The following OTUD7A variants were observed in gnomAD, a reference collection of about 807,000 sequenced individuals.
The protein encoded by OTUD7A is OTU deubiquitinase 7A.
A neutral mutation model predicts 65.7 loss-of-function variants in OTUD7A; 12 were observed. The observed-to-expected ratio is 0.18, with a 90% confidence interval of 0.12 to 0.30. The LOEUF (loss-of-function observed/expected upper bound fraction) is 0.30, where lower values mean the gene tolerates loss of function less well. Ranked by LOEUF, OTUD7A falls within the 10% of genes least tolerant of loss-of-function variation. The probability of loss-of-function intolerance (pLI) is 1.00; values close to 1 mark genes in which losing one functional copy is unlikely to be tolerated. For synonymous variants in OTUD7A, 641 were observed against 586.3 expected (o/e 1.09, Z -1.35); for missense variants, 1,148 against 1,304.8 (o/e 0.88, Z 1.85).
At chr15:31,602,392 CA>C (rs1400894205) in intron 3 of OTUD7A, among the ~76,000 whole-genome samples, 1 of 152,084 alleles carries the variant, frequency 6.6e-6, no homozygotes, top group African/African-American at 2.4e-5. Context: ...AGGCCTTCGA[CA>C]AAATTCAACA....
chr15:31,722,520 C>G (rs1006930205), intron 1 of OTUD7A, among the ~76,000 whole-genome samples: 1 of 152,224 alleles, frequency 6.6e-6, no homozygotes, highest in Admixed American at 6.5e-5. Context: ...TGCACAGCCA[C>G]GTGGCATGGA....
chr15:31,561,578 G>GGT (rs1888690294), intron 4 of OTUD7A, among the ~76,000 whole-genome samples: 1 of 152,100 alleles, frequency 6.6e-6, no homozygotes, highest in Admixed American at 6.5e-5. Context: ...TTGGAAACAC[G>GGT]GTGATTCCTA....
chr15:31,854,439 C>T (rs1385276908), intron 1 of OTUD7A, among the ~76,000 whole-genome samples: 1 of 152,140 alleles, frequency 6.6e-6, no homozygotes, highest in African/African-American at 2.4e-5. Context: ...TTATTCTGCC[C>T]ACCATAAAGA....
chr15:31,592,918 T>A (rs769167326), intron 3 of OTUD7A, among the ~76,000 whole-genome samples: 9,929 of 62,946 alleles, frequency 0.16, 991 homozygotes, highest in East Asian at 0.35. Flanking sequence ...TATATATATA[T>A]ATATATATAT....
chr15:31,685,939 G>T (rs1402555484), intron 1 of OTUD7A, among the ~76,000 whole-genome samples: 1 of 151,610 alleles, frequency 6.6e-6, no homozygotes, highest in African/African-American at 2.4e-5. Flanking sequence ...CAAGCCCCCA[G>T]GGGATTTAAG....
intron 3 of OTUD7A, among the ~76,000 whole-genome samples, chr15:31,632,066 T>A (rs1891180472): frequency 6.6e-6 from 1 of 152,224 alleles, no homozygotes; most frequent in Admixed American, 6.5e-5. Context: ...AGTTTGATCG[T>A]CTGAAGCCTT....
intron 1 of OTUD7A, among the ~76,000 whole-genome samples, chr15:31,861,970 T>C (rs377338871): frequency 6.6e-6 from 1 of 152,194 alleles, no homozygotes; most frequent in Non-Finnish European, 1.5e-5. Flanking sequence ...GCCAAGGACA[T>C]GCTCTGGGAG....
chr15:31,821,915 G>A (rs921366831), intron 1 of OTUD7A, among the ~76,000 whole-genome samples: 6 of 152,124 alleles, frequency 3.9e-5, no homozygotes, highest in Non-Finnish European at 8.8e-5. Context: ...TATCAACTTT[G>A]GAGAAAGGTC....
chr15:31,546,007 C>T (rs185885284), intron 5 of OTUD7A, among the ~76,000 whole-genome samples: 1 of 152,278 alleles, frequency 6.6e-6, no homozygotes, highest in Non-Finnish European at 1.5e-5. Context: ...AATAGTATGT[C>T]AAATCCACAT....
chr15:31,588,425 G>C (rs1889613459), intron 3 of OTUD7A, among the ~76,000 whole-genome samples: 1 of 152,198 alleles, frequency 6.6e-6, no homozygotes, highest in Non-Finnish European at 1.5e-5. Context: ...CGTTTCCCAG[G>C]GGGAGGCAAC....
At chr15:31,840,301 G>A (rs930657446) in intron 1 of OTUD7A, among the ~76,000 whole-genome samples, 1 of 152,118 alleles carries the variant, frequency 6.6e-6, no homozygotes, top group East Asian at 1.9e-4. Flanking sequence ...AGCTGGGTAT[G>A]GTGGCGCACG....
rs148290840 is a variant in OTUD7A at position 31,767,136 on chromosome 15, A to G, written c.-100+103371T>C. 263 of 1,491,238 alleles carry G rather than the reference A, an allele frequency of 1.8e-4. 1 individual carries two copies. The African/African-American group carries it at 3.3e-3, about 18-fold the overall frequency. 92.4% of individuals were successfully genotyped at this position (1,491,238 alleles called of 1,614,324 possible). A position where few individuals can be genotyped will look rare whatever the true frequency, so the allele number is the denominator to read the frequency against. On this transcript the variant is annotated intron_variant, in intron 1 of 12. Transcript: ENST00000307050. ...CTTCTTTATTTTTTTTTCTCTACGA[A>G]GCAGACTGAGAAGGCGGCACTCAGT...
chr15:31,715,245 G>A (rs62002685), intron 1 of OTUD7A, among the ~76,000 whole-genome samples: 148,014 of 150,572 alleles, frequency 0.98, 72,808 homozygotes, highest in East Asian at 1. Context: ...CCAAGCCTTC[G>A]ACTGTCCTGC....
At chr15:31,746,820 A>C (rs1047981503) in intron 1 of OTUD7A, among the ~76,000 whole-genome samples, 4 of 152,194 alleles carry the variant, frequency 2.6e-5, no homozygotes, top group African/African-American at 9.6e-5. Context: ...AAATTGGCAA[A>C]ACAAATACAG....
rs1187779789 is a variant in OTUD7A at position 31,512,224 on chromosome 15, T to G, written c.894-8406A>C. Among the ~76,000 whole-genome samples the G allele has an allele frequency of 2.6e-5, 4 of 151,606 alleles. No homozygotes were observed. In the South Asian group the frequency reaches 8.3e-4, roughly 32 times the overall value. ...GTTCACGTGATATGTGAGGAATTGT[T>G]TTTTTTTTGCATTGCTGAGACTCTG... is the stretch of plus-strand genomic sequence containing the variant. On this transcript the variant is annotated intron_variant, in intron 8 of 12. Transcript: ENST00000307050.
rs200534658 is a variant in OTUD7A at position 31,654,379 on chromosome 15, C to T, written c.151+717G>A. Among the ~76,000 whole-genome samples, 253 of 149,376 alleles carry T rather than the reference C, an allele frequency of 1.7e-3. 5 individuals carry two copies. In the East Asian group the frequency reaches 0.036, roughly 22 times the overall value. On this transcript the variant is annotated intron_variant, in intron 3 of 12. Coordinates refer to ENST00000307050, the MANE Select transcript of OTUD7A (RefSeq NM_001382637.1). ...AGTTCTCTCCACTTCTGCAAATGTA[C>T]AATAATTCTTATTTTCCCTAAGTGA...
intron 1 of OTUD7A, among the ~76,000 whole-genome samples, chr15:31,841,513 G>A (rs1184147688): frequency 1.3e-5 from 2 of 152,112 alleles, no homozygotes; most frequent in Admixed American, 6.5e-5. Context: ...ACTACCCACC[G>A]AGTCAGTGTA....
intron 1 of OTUD7A, among the ~76,000 whole-genome samples, chr15:31,864,556 T>A (rs11071378): frequency 0.94 from 142,426 of 152,174 alleles, 67,365 homozygotes; most frequent in East Asian, 1. Flanking sequence ...CTATCACGAG[T>A]ATAGCATGAG....
intron 8 of OTUD7A, among the ~76,000 whole-genome samples, chr15:31,510,880 CAT>C (rs372634798): frequency 0.012 from 176 of 15,214 alleles, 26 homozygotes; most frequent in Non-Finnish European, 0.016. Context: ...CTATATGTAA[CAT>C]ATATGTATAT....
Sources: gnomAD v4.1 joint callset for allele counts (sites outside exome capture counted in the v4.1 genomes callset) on GRCh38, gnomAD v4.1.1 for gene constraint, MANE v1.5 for transcripts, NCBI Gene and HGNC (gene_info 2026-07-23, HGNC 2026-07-21) for gene names.